GUCY2C: variants seen among roughly 807,000 people sequenced by gnomAD.
The protein encoded by GUCY2C is guanylyl cyclase C.
Under a neutral mutation model 131.1 loss-of-function variants are expected in GUCY2C, and 118 were observed. The observed-to-expected ratio is 0.90, with a 90% confidence interval of 0.78 to 1.05. The LOEUF (loss-of-function observed/expected upper bound fraction) is 1.05. GUCY2C is among the 50% of genes least tolerant of loss of function. The pLI, the probability that GUCY2C is intolerant of heterozygous loss-of-function variation, is 0.00. For synonymous variants in GUCY2C, 452 were observed against 457.8 expected, an observed-to-expected ratio of 0.99 and a Z score of 0.16; for missense variants, 1,161 against 1,304.4, an observed-to-expected ratio of 0.89 and a Z score of 1.69.
Position 14,696,555 on chromosome 12 carries a change from A to G in GUCY2C, c.-107T>C, listed in dbSNP as rs1261388278. ...TGGACAGCCTCTAGTGGAGTCCCTCAGCCCACTCTTCCCCACGCTTCTCTC... is the reference window on the plus strand; with the variant it reads ...TGGACAGCCTCTAGTGGAGTCCCTCGGCCCACTCTTCCCCACGCTTCTCTC... On this transcript the variant is annotated 5_prime_UTR_variant, in exon 1 of 27. Transcript: ENST00000261170. 2 of 774,798 alleles carry G rather than the reference A, an allele frequency of 2.6e-6. No homozygotes were observed. The highest frequency in any genetic ancestry group is 4.3e-6 in the Non-Finnish European group (2 of 463,652). 48.0% of individuals were successfully genotyped at this position (774,798 alleles called of 1,614,324 possible). A position where few individuals can be genotyped will look rare whatever the true frequency, so the allele number is the denominator to read the frequency against.
At chr12:14,652,917 C>A (rs772284997) in intron 13 of GUCY2C, 35 bp downstream of exon 13, 4 of 1,414,322 alleles carry the variant, frequency 2.8e-6, no homozygotes, top group South Asian at 1.1e-5. Context: ...CAGAGCATAC[C>A]CCAGTGGAGA....
At chr12:14,661,738 A>T (rs536253055) in intron 10 of GUCY2C, among the ~76,000 whole-genome samples, 1 of 152,266 alleles carries the variant, frequency 6.6e-6, no homozygotes, top group East Asian at 1.9e-4. Flanking sequence ...CAACTAAGAC[A>T]ACTTGTTTTT....
intron 19 of GUCY2C, among the ~76,000 whole-genome samples, chr12:14,629,792 G>A (rs914002769): frequency 6.6e-6 from 1 of 152,284 alleles, no homozygotes; most frequent in Non-Finnish European, 1.5e-5. Flanking sequence ...TTATGCCCAG[G>A]CACCACCCTA....
intron 9 of GUCY2C, 139 bp downstream of exon 9, chr12:14,672,734 G>A (rs981924185): frequency 9.7e-6 from 6 of 620,148 alleles, no homozygotes; most frequent in East Asian, 2.7e-5. Flanking sequence ...TAAGTGGGGC[G>A]TAATTGTGAA....
chr12:14,676,941 G>A lies in GUCY2C; in HGVS notation c.861C>T (p.Ala287=). ...NDQYFEDNVT[A]PDYMKNVLVL... ...CAAGGACATTTTTCATATAGTCAGG[G>A]GCTGTGACATTGTCCTCAAAGTACT... Residue 287 remains alanine (A), a synonymous_variant, in exon 7 of 27, where the codon GCC becomes GCT. Coordinates refer to ENST00000261170, the MANE Select transcript of GUCY2C (RefSeq NM_004963.4). The A allele has an allele frequency of 6.4e-7, 1 of 1,555,932 alleles. No individual in the cohort carries two copies. Among genetic ancestry groups the A allele is most frequent in the Non-Finnish European group, 8.8e-7 (1 of 1,137,702 alleles).
rs1412074724 is a variant in GUCY2C at position 14,660,997 on chromosome 12, C to A, written c.1348G>T (p.Ala450Ser). ...CGGCTGTACCTGAGCATCAGGAGAGCGACGAGCAGGAGCAGCACCACAGCT... is the reference window on the plus strand; with the variant it reads ...CGGCTGTACCTGAGCATCAGGAGAGAGACGAGCAGGAGCAGCACCACAGCT... The part of the protein sequence containing the change: ...TGAVVLLLLV[A>S]LLMLRKYRKD... The change falls in exon 11 of 27, where the codon GCT (alanine) becomes TCT (serine). Residue 450 changes from alanine to serine, a missense_variant. Coordinates refer to ENST00000261170, the MANE Select transcript of GUCY2C (RefSeq NM_004963.4). 6.2e-7 allele frequency: 1 copy of A among 1,611,058 alleles called. No homozygotes were observed. Among genetic ancestry groups the A allele is most frequent in the Non-Finnish European group, 8.5e-7 (1 of 1,177,306 alleles).
At chr12:14,632,476 T>G (rs1439455260) in intron 19 of GUCY2C, among the ~76,000 whole-genome samples, 1 of 152,212 alleles carries the variant, frequency 6.6e-6, no homozygotes, top group Non-Finnish European at 1.5e-5. Context: ...CTTCAAGGCC[T>G]TTTTGAGGGA....
At chr12:14,685,998 A>G (rs1345807074) in intron 3 of GUCY2C, among the ~76,000 whole-genome samples, 163 bp downstream of exon 3, 3 of 152,204 alleles carry the variant, frequency 2.0e-5, no homozygotes, top group Admixed American at 6.5e-5. Context: ...CTCCATGCTG[A>G]GCAAGGGAAG....
Position 14,681,479 on chromosome 12 carries a change from T to C in GUCY2C, c.612-2A>G. On this transcript the variant is annotated splice_acceptor_variant, in intron 4 of 26. Transcript: ENST00000261170. LOFTEE classifies it high-confidence loss of function. ...CTAGCCTCCAGAGCATTAAGGTACCTGGAATAGGAAAAAGAGAAACTAAAA... is the reference window on the plus strand; with the variant it reads ...CTAGCCTCCAGAGCATTAAGGTACCCGGAATAGGAAAAAGAGAAACTAAAA... 1 of 1,475,292 alleles carries C rather than the reference T, an allele frequency of 6.8e-7. No homozygotes were observed. The highest frequency in any genetic ancestry group is 9.0e-7 in the Non-Finnish European group (1 of 1,109,292). 91.4% of individuals were successfully genotyped at this position (1,475,292 alleles called of 1,614,324 possible). A position where few individuals can be genotyped will look rare whatever the true frequency, so the allele number is the denominator to read the frequency against.
At position 14,628,719 on chromosome 12, in the gene GUCY2C, T is replaced by G; in HGVS notation, c.2176A>C (p.Asn726His). The G allele has an allele frequency of 6.3e-7, 1 of 1,589,348 alleles. No individual in the cohort carries two copies. The highest frequency in any genetic ancestry group is 8.6e-7 in the Non-Finnish European group (1 of 1,160,012). The change falls in exon 20 of 27, where the codon AAC becomes CAC. Residue 726 changes from asparagine to histidine, a missense_variant. Transcript: ENST00000261170. The part of the protein sequence containing the change: ...KELEVYLLVK[N>H]CWEEDPEKRP... ...TTTTCTGGATCTTCCTCCCAACAGT[T>G]TTTTACAAGTAGGTACACCTGGAAG...
rs545700011 is a variant in GUCY2C at position 14,696,012 on chromosome 12, G to A, written c.217+220C>T. Reference sequence around the variant, plus strand: ...GCCGTGAACACTTTACATTTCCTGAGTCAGGGCTAGTCCCAGAGCAAGGTG... The same window carrying A: ...GCCGTGAACACTTTACATTTCCTGAATCAGGGCTAGTCCCAGAGCAAGGTG... On this transcript the variant is annotated intron_variant, in intron 1 of 26. Coordinates refer to ENST00000261170, the MANE Select transcript of GUCY2C (RefSeq NM_004963.4). Among the ~76,000 whole-genome samples, 4 of 152,246 alleles carry A rather than the reference G, an allele frequency of 2.6e-5. No homozygotes were observed. The South Asian group carries it at 8.3e-4, about 32-fold the overall frequency.
chr12:14,627,956 A>G (rs894561408), intron 20 of GUCY2C, among the ~76,000 whole-genome samples: 3 of 152,184 alleles, frequency 2.0e-5, no homozygotes, highest in African/African-American at 2.4e-5. Context: ...AAAGACCTGG[A>G]AAAAATCATA....
chr12:14,678,197 T>C (rs1948279462), intron 6 of GUCY2C, among the ~76,000 whole-genome samples: 1 of 152,198 alleles, frequency 6.6e-6, no homozygotes. Context: ...ATCCTAGAAG[T>C]ACCCTTATGA....
At chr12:14,639,292 T>G (rs562683836) in intron 19 of GUCY2C, among the ~76,000 whole-genome samples, 935 of 90,918 alleles carry the variant, frequency 0.01, 9 homozygotes, top group African/African-American at 0.037. Flanking sequence ...AGAGCAAGAC[T>G]CCGTCTCAAA....
chr12:14,615,253 TA>T (rs1946735383), intron 25 of GUCY2C, among the ~76,000 whole-genome samples: 2 of 152,146 alleles, frequency 1.3e-5, no homozygotes, highest in African/African-American at 4.8e-5. Context: ...AACTCTAACT[TA>T]AAAAGGAAGA....
At chr12:14,625,334 T>C (rs1418218593) in intron 21 of GUCY2C, among the ~76,000 whole-genome samples, 2 of 151,404 alleles carry the variant, frequency 1.3e-5, no homozygotes, top group East Asian at 3.9e-4. Flanking sequence ...TGCATTTTTT[T>C]TTTTTTTTTT....
In GUCY2C at chr12:14,639,299, CAAAA is replaced by C. The variant is rs34629608; in HGVS notation, c.2157+559_2157+562del. Among the ~76,000 whole-genome samples the C allele has an allele frequency of 3.1e-4, 24 of 77,110 alleles. No homozygotes were observed. In the South Asian group the frequency reaches 5.6e-3, roughly 18 times the overall value. 50.6% of individuals were successfully genotyped at this position (77,110 alleles called of 152,430 possible). ...AGAGTGACAGAGCAAGACTCCGTCT[CAAAA>C]AAAAAAAAAAAAAAAAAATAGAGAA... On this transcript the variant is annotated intron_variant, in intron 19 of 26. Transcript: ENST00000261170.
At chr12:14,651,733 A>G (rs1947663612) in intron 14 of GUCY2C, among the ~76,000 whole-genome samples, 1 of 152,224 alleles carries the variant, frequency 6.6e-6, no homozygotes, top group Non-Finnish European at 1.5e-5. Flanking sequence ...TTACTTTCAA[A>G]TAATATCAGG....
At chr12:14,631,452 A>G (rs1019898833) in intron 19 of GUCY2C, among the ~76,000 whole-genome samples, 10 of 150,244 alleles carry the variant, frequency 6.7e-5, no homozygotes, top group South Asian at 6.3e-4. Context: ...TCATTGTTCA[A>G]TTCCACCTAT....
Sources: gnomAD v4.1 joint callset for allele counts (sites outside exome capture counted in the v4.1 genomes callset) on GRCh38, gnomAD v4.1.1 for gene constraint, MANE v1.5 for transcripts, NCBI Gene and HGNC (gene_info 2026-07-23, HGNC 2026-07-21) for gene names.